The following FAM107B variants were observed in gnomAD, a reference collection of about 807,000 sequenced individuals.
FAM107B encodes the protein family with sequence similarity 107 member B.
A neutral mutation model predicts 31.5 loss-of-function variants in FAM107B; 21 were observed. The observed-to-expected ratio is 0.67, with a 90% confidence interval of 0.47 to 0.96. The LOEUF (loss-of-function observed/expected upper bound fraction) is 0.96, where lower values mean the gene tolerates loss of function less well. Among genes scored for constraint, FAM107B ranks in the 40% least tolerant of loss-of-function variants. FAM107B has a pLI of 0.00. For missense variants in FAM107B, 452 were observed against 377.1 expected, an observed-to-expected ratio of 1.20 and a Z score of -1.64; for synonymous variants, 157 against 141.5, an observed-to-expected ratio of 1.11 and a Z score of -0.78.
intron 1 of FAM107B, among the ~76,000 whole-genome samples, chr10:14,758,340 G>C (rs143099474): frequency 6.6e-6 from 1 of 152,102 alleles, no homozygotes; most frequent in African/African-American, 2.4e-5. Context: ...CCTATTTCAC[G>C]GAAATACTGC....
intron 2 of FAM107B, among the ~76,000 whole-genome samples, chr10:14,583,160 G>A (rs889511552): frequency 9.2e-5 from 14 of 151,774 alleles, no homozygotes; most frequent in Admixed American, 2.6e-4. Context: ...AGGTGGGCCC[G>A]GCAGTCTCAT....
At chr10:14,745,779 T>C (rs1303489078) in intron 1 of FAM107B, among the ~76,000 whole-genome samples, 1 of 152,144 alleles carries the variant, frequency 6.6e-6, no homozygotes, top group African/African-American at 2.4e-5. Flanking sequence ...TATTCTCTTC[T>C]TTTTGAGTGG....
chr10:14,771,231 C>A (rs1002752880), intron 1 of FAM107B, among the ~76,000 whole-genome samples: 4 of 152,174 alleles, frequency 2.6e-5, no homozygotes, highest in Non-Finnish European at 5.9e-5. Flanking sequence ...AGCGGCAAAG[C>A]TTTGTCACTC....
At chr10:14,570,236 GTGT>G (rs763598884) in intron 2 of FAM107B, among the ~76,000 whole-genome samples, 31 of 91,272 alleles carry the variant, frequency 3.4e-4, no homozygotes, top group East Asian at 1.9e-3. Flanking sequence ...TGTGGTGGGT[GTGT>G]GTGTGTGTGT....
intron 1 of FAM107B, among the ~76,000 whole-genome samples, chr10:14,727,920 A>G (rs759618554): frequency 6.6e-6 from 1 of 152,244 alleles, no homozygotes; most frequent in Admixed American, 6.5e-5. Flanking sequence ...ACCTCTCAAC[A>G]GCAAACTCTT....
rs1397112052 is a variant in FAM107B at position 14,626,527 on chromosome 10, A to G, written c.469+41107T>C. On this transcript the variant is annotated intron_variant, in intron 2 of 4. Coordinates refer to ENST00000181796, the MANE Select transcript of FAM107B (RefSeq NM_031453.4). ...TTTTTTCTTTTTTTTTTTTTGAGAC[A>G]GAGTCTCGCTCTGTCGCCCAGGCTG... Among the ~76,000 whole-genome samples, 5 of 135,290 alleles carry G rather than the reference A, an allele frequency of 3.7e-5. No homozygotes were observed. In the South Asian group the frequency reaches 7.0e-4, roughly 19 times the overall value. The allele number at this position is 135,290 out of a possible 152,430, so 88.8% of individuals were successfully genotyped here.
intron 2 of FAM107B, among the ~76,000 whole-genome samples, chr10:14,629,393 T>TATTTAATATATATAAC (rs1853272015): frequency 7.4e-5 from 2 of 26,962 alleles, no homozygotes; most frequent in African/African-American, 2.9e-4. Context: ...ATATATATAA[T>TATTTAATATATATAAC]ATATATTATA....
intron 1 of FAM107B, among the ~76,000 whole-genome samples, chr10:14,680,600 G>C (rs1013549161): frequency 6.6e-6 from 1 of 151,082 alleles, no homozygotes; most frequent in South Asian, 2.1e-4. Context: ...TGCACAGAGG[G>C]AACCTGAGGA....
chr10:14,537,603 G>A (rs1847753713), intron 2 of FAM107B, among the ~76,000 whole-genome samples: 1 of 152,140 alleles, frequency 6.6e-6, no homozygotes, highest in African/African-American at 2.4e-5. Context: ...ACTTTGGGAG[G>A]CCGAGGCGGG....
intron 1 of FAM107B, among the ~76,000 whole-genome samples, chr10:14,736,011 A>G (rs1268373446): frequency 6.6e-6 from 1 of 152,198 alleles, no homozygotes; most frequent in Non-Finnish European, 1.5e-5. Context: ...ATATCATGAG[A>G]GATTTTATGT....
intron 1 of FAM107B, among the ~76,000 whole-genome samples, chr10:14,727,586 A>C (rs1284863305): frequency 6.6e-6 from 1 of 152,174 alleles, no homozygotes; most frequent in Admixed American, 6.5e-5. Context: ...TAAATACCCC[A>C]GCTCCCTCAC....
chr10:14,686,320 C>T lies in FAM107B; in HGVS notation c.412-18629G>A, dbSNP rs916486981. ...AGGAGAATCACTTGAACCCAGGAGG[C>T]GGAGATTGCAGTGAGCTGAGATTGC... On this transcript the variant is annotated intron_variant, in intron 1 of 4. Transcript: ENST00000181796. Among the ~76,000 whole-genome samples, 5 of 150,198 alleles carry T rather than the reference C, an allele frequency of 3.3e-5. No individual in the cohort carries two copies. In the Admixed American group the frequency reaches 3.3e-4, roughly 10 times the overall value.
intron 1 of FAM107B, chr10:14,723,115 T>A (rs1342138474): frequency 2.5e-6 from 1 of 398,478 alleles, no homozygotes; most frequent in Non-Finnish European, 4.9e-6. Context: ...GATTGATGTT[T>A]ATTTTCCATC....
chr10:14,713,707 GA>G lies in FAM107B; in HGVS notation c.412-46017del, dbSNP rs539714813. ...TGAAACAAAGCCACATGTCAACCTT[GA>G]AAAAAACAGACATATGTACATGTAT... On this transcript the variant is annotated intron_variant, in intron 1 of 4. Coordinates refer to ENST00000181796, the MANE Select transcript of FAM107B (RefSeq NM_031453.4). Among the ~76,000 whole-genome samples the G allele has an allele frequency of 1.2e-4, 19 of 152,024 alleles. No individual in the cohort carries two copies. In the East Asian group the frequency reaches 3.7e-3, roughly 29 times the overall value.
intron 2 of FAM107B, among the ~76,000 whole-genome samples, chr10:14,654,279 G>T (rs987487013): frequency 6.6e-6 from 1 of 152,144 alleles, no homozygotes; most frequent in African/African-American, 2.4e-5. Flanking sequence ...AGCTGAGTTT[G>T]CTCTGGTTGT....
intron 2 of FAM107B, among the ~76,000 whole-genome samples, chr10:14,568,912 A>C (rs1175543825): frequency 2.6e-5 from 4 of 152,134 alleles, no homozygotes; most frequent in African/African-American, 9.7e-5. Context: ...CAACATAATA[A>C]ATGGCAACAC....
chr10:14,712,107 AAGCAGTC>A (rs775107946), intron 1 of FAM107B, among the ~76,000 whole-genome samples: 2 of 152,212 alleles, frequency 1.3e-5, no homozygotes, highest in Admixed American at 6.5e-5. Context: ...TTTCAACCCT[AAGCAGTC>A]AGCATCAGTT....
chr10:14,679,304 AT>A (rs1353303574), intron 1 of FAM107B, among the ~76,000 whole-genome samples: 9 of 151,888 alleles, frequency 5.9e-5, no homozygotes, highest in Non-Finnish European at 2.9e-5. Flanking sequence ...TAATATTTTT[AT>A]TTTTTTGTAG....
intron 2 of FAM107B, among the ~76,000 whole-genome samples, chr10:14,626,565 G>T (rs960410940): frequency 8.8e-5 from 13 of 147,478 alleles, no homozygotes; most frequent in Non-Finnish European, 4.4e-5. Context: ...GTGCAGTGGC[G>T]TGAGCTCGAC....
Sources: allele counts gnomAD v4.1 joint callset (sites outside exome capture counted in the v4.1 genomes callset), GRCh38; gene constraint gnomAD v4.1.1; transcripts MANE v1.5; gene names NCBI Gene and HGNC (gene_info 2026-07-23, HGNC 2026-07-21).